ARMC2: variants seen among roughly 807,000 people sequenced by gnomAD.
ARMC2 encodes the protein armadillo repeat-containing protein 2.
In ARMC2, 67 loss-of-function variants were observed where a neutral mutation model predicts 90.3. The observed-to-expected ratio is 0.74, with a 90% CI of 0.61 to 0.91. ARMC2 has a LOEUF of 0.91. Ranked by LOEUF, ARMC2 falls within the 40% of genes least tolerant of loss-of-function variation. The pLI, the probability that ARMC2 is intolerant of heterozygous loss-of-function variation, is 0.00. For missense variants in ARMC2, 920 were observed against 1,030.9 expected, an observed-to-expected ratio of 0.89 and a Z score of 1.47; for synonymous variants, 393 against 393.0, an observed-to-expected ratio of 1.00 and a Z score of 0.00.
rs1778913641 is a variant in ARMC2, at chr6:108,973,776, T to G, written c.*262T>G. The G allele has an allele frequency of 3.2e-6, 1 of 309,692 alleles. No homozygotes were observed. The highest frequency in any genetic ancestry group is 6.0e-6 in the Non-Finnish European group (1 of 167,410). 19.2% of individuals were successfully genotyped at this position (309,692 alleles called of 1,614,324 possible). A position where few individuals can be genotyped will look rare whatever the true frequency, so the allele number is the denominator to read the frequency against. On this transcript the variant is annotated 3_prime_UTR_variant, in exon 18 of 18. Coordinates refer to ENST00000392644, the MANE Select transcript of ARMC2 (RefSeq NM_032131.6). ...GCATTTTCAAGTAAATGACTTTTTC[T>G]TCTATTCTCTATTAAACAATTTAGT...
At chr6:108,862,095 G>A (rs1775303534) in intron 3 of ARMC2, among the ~76,000 whole-genome samples, 3 of 152,102 alleles carry the variant, frequency 2.0e-5, no homozygotes, top group Non-Finnish European at 4.4e-5. Context: ...TGTGATCCCA[G>A]CATTTTGGGA....
intron 2 of ARMC2, among the ~76,000 whole-genome samples, chr6:108,856,065 A>G (rs375976821): frequency 6.6e-6 from 1 of 152,168 alleles, no homozygotes; most frequent in East Asian, 1.9e-4. Flanking sequence ...AATGAAGTCA[A>G]GCTTATCAAT....
intron 12 of ARMC2, among the ~76,000 whole-genome samples, chr6:108,943,105 C>T (rs1776574464): frequency 6.6e-6 from 1 of 152,104 alleles, no homozygotes. Context: ...AGAATATTTC[C>T]TCCCCATCTG....
intron 4 of ARMC2, among the ~76,000 whole-genome samples, chr6:108,870,583 A>G (rs1428458331): frequency 2.6e-5 from 4 of 151,766 alleles, no homozygotes; most frequent in Non-Finnish European, 5.9e-5. Context: ...GAAGGAGGAA[A>G]GGAAAGAAAA....
the ARMC2 span, among the ~76,000 whole-genome samples, chr6:109,017,819 T>C: frequency 6.6e-6 from 1 of 152,210 alleles, no homozygotes; most frequent in East Asian, 1.9e-4. Flanking sequence ...TGAAGGGCAA[T>C]TGAACTTAAT....
intron 17 of ARMC2, among the ~76,000 whole-genome samples, chr6:108,972,948 A>G (rs1778858989): frequency 6.6e-6 from 1 of 151,950 alleles, no homozygotes. Context: ...CATTACAGGT[A>G]TGAGCCACCA....
intron 8 of ARMC2, 25 bp from the exon 9 acceptor site, chr6:108,910,874 T>C (rs1442710207): frequency 5.0e-6 from 6 of 1,196,096 alleles, no homozygotes; most frequent in African/African-American, 1.6e-5. Context: ...CCTTCTGCAA[T>C]AGAGATGTGT....
rs369485548 is a variant in ARMC2 at position 108,863,960 on chromosome 6, C to G, written c.292-4864C>G. Among the ~76,000 whole-genome samples, 9 of 152,294 alleles carry G rather than the reference C, an allele frequency of 5.9e-5. No homozygotes were observed. In the East Asian group the frequency reaches 1.2e-3, roughly 20 times the overall value. On this transcript the variant is annotated intron_variant, in intron 3 of 17. Coordinates refer to ENST00000392644, the MANE Select transcript of ARMC2 (RefSeq NM_032131.6). ...GATTAGTTTGAGCCACATAACTGAG[C>G]TCCAGGTAATTGATAAGTGAAACAA... is the stretch of plus-strand genomic sequence containing the variant.
At chr6:108,974,591 A>T (rs1158105285), downstream of ARMC2, 2 of 152,050 alleles carry the variant, frequency 1.3e-5, no homozygotes, top group Non-Finnish European at 2.9e-5. Flanking sequence ...AGTGGGGAGG[A>T]TCCCATGAGG....
intron 16 of ARMC2, 146 bp from the exon 17 acceptor site, chr6:108,964,834 A>G (rs1264901399): frequency 4.6e-6 from 3 of 652,866 alleles, no homozygotes; most frequent in Non-Finnish European, 7.7e-6. Flanking sequence ...CTTTATAACC[A>G]CTTAAATTTA....
chr6:108,873,534 A>G (rs547141534), intron 4 of ARMC2, among the ~76,000 whole-genome samples: 4 of 152,130 alleles, frequency 2.6e-5, no homozygotes, highest in East Asian at 1.9e-4. Context: ...GGGAGAACCT[A>G]TGTAATTTGC....
chr6:108,947,488 C>T (rs958629631), intron 12 of ARMC2, among the ~76,000 whole-genome samples: 1 of 152,168 alleles, frequency 6.6e-6, no homozygotes, highest in Admixed American at 6.5e-5. Flanking sequence ...TAACATGCAA[C>T]AGCTACTGCC....
At chr6:108,870,354 G>A (rs1338058726) in intron 4 of ARMC2, among the ~76,000 whole-genome samples, 1 of 152,150 alleles carries the variant, frequency 6.6e-6, no homozygotes, top group Non-Finnish European at 1.5e-5. Context: ...CAGCCACAAT[G>A]GGGCATGATC....
At chr6:108,936,292 C>T (rs1325370941) in intron 11 of ARMC2, among the ~76,000 whole-genome samples, 1 of 152,054 alleles carries the variant, frequency 6.6e-6, no homozygotes, top group African/African-American at 2.4e-5. Flanking sequence ...AGTCTCGCCC[C>T]ATTGCCCAGT....
In ARMC2 at chr6:108,868,941, A is replaced by G. The variant is rs761127076; in HGVS notation, c.409A>G (p.Arg137Gly). The change falls in exon 4 of 18, where the codon AGG (arginine) becomes GGG (glycine). Residue 137 changes from arginine (R) to glycine (G), a missense_variant. By Grantham distance (125) the Arg-to-Gly change is moderately radical. Coordinates refer to ENST00000392644, the MANE Select transcript of ARMC2 (RefSeq NM_032131.6). The part of the protein sequence containing the change: ...RVSNARARLF[R>G]AASQRALLPD... Reference sequence around the variant, plus strand: ...AAGCAACGCCAGGGCTCGCTTATTCAGGGCTGCCTCCCAGCGGGCCCTTCT... The same window carrying G: ...AAGCAACGCCAGGGCTCGCTTATTCGGGGCTGCCTCCCAGCGGGCCCTTCT... 4.3e-6 allele frequency: 7 copies of G among 1,613,796 alleles called. No individual in the cohort carries two copies. Among genetic ancestry groups the G allele is most frequent in the Middle Eastern group, 1.6e-4 (1 of 6,084 alleles).
chr6:108,874,941 G>A (rs1341076185), intron 4 of ARMC2, among the ~76,000 whole-genome samples: 1 of 152,088 alleles, frequency 6.6e-6, no homozygotes, highest in Non-Finnish European at 1.5e-5. Flanking sequence ...AGGTGGTTTT[G>A]TTATTATTAG....
chr6:108,876,909 A>G (rs1184208452), intron 5 of ARMC2, among the ~76,000 whole-genome samples: 1 of 152,212 alleles, frequency 6.6e-6, no homozygotes, highest in Admixed American at 6.5e-5. Flanking sequence ...ATGTTCCTAG[A>G]TAGGGTTTCC....
At chr6:108,989,529 A>G in the ARMC2 span, among the ~76,000 whole-genome samples, 1 of 150,752 alleles carries the variant, frequency 6.6e-6, no homozygotes, top group Non-Finnish European at 1.5e-5. Context: ...AGAGATATCT[A>G]TAGAGATAGA....
chr6:108,942,324 T>G (rs1277678881), intron 12 of ARMC2, among the ~76,000 whole-genome samples: 1 of 152,208 alleles, frequency 6.6e-6, no homozygotes, highest in Non-Finnish European at 1.5e-5. Context: ...ATAAGAATTT[T>G]TTTCCCACAA....
Sources: allele counts gnomAD v4.1 joint callset (sites outside exome capture counted in the v4.1 genomes callset), GRCh38; gene constraint gnomAD v4.1.1; transcripts MANE v1.5; gene names NCBI Gene and HGNC (gene_info 2026-07-23, HGNC 2026-07-21).